Variants in GSG1L observed in about 807,000 individuals in gnomAD.
GSG1L encodes the protein GSG1 like, also known as germ cell-specific gene 1-like protein.
Under a neutral mutation model 42.1 loss-of-function variants are expected in GSG1L, and 24 were observed. That is an observed-to-expected ratio of 0.57 (90% confidence interval 0.41 to 0.80). GSG1L has a LOEUF of 0.80. Among genes scored for constraint, GSG1L ranks in the 30% least tolerant of loss-of-function variants. GSG1L has a pLI of 0.00. For missense variants in GSG1L, 445 were observed against 472.2 expected (o/e 0.94, Z 0.53); for synonymous variants, 215 against 203.5 (o/e 1.06, Z -0.48).
At chr16:28,058,620 C>CAAAAAAAAA (rs66952573) in intron 1 of GSG1L, among the ~76,000 whole-genome samples, 3 of 82,552 alleles carry the variant, frequency 3.6e-5, no homozygotes, top group Non-Finnish European at 5.3e-5. Flanking sequence ...AGAACAAGAC[C>CAAAAAAAAA]AAAAAAAAAA....
In GSG1L at chr16:27,823,093, A is replaced by T. The variant is rs186581337; in HGVS notation, c.830+5696T>A. ...ACCAGATCTGAGCATTAAGTATTCA[A>T]GAAAGCCCCAATCTGCAAATATTTA... is the stretch of plus-strand genomic sequence containing the variant. On this transcript the variant is annotated intron_variant, in intron 5 of 6. Coordinates refer to ENST00000447459, the MANE Select transcript of GSG1L (RefSeq NM_001109763.2). Among the ~76,000 whole-genome samples the T allele has an allele frequency of 6.6e-5, 10 of 152,350 alleles. No individual in the cohort carries two copies. In the East Asian group the frequency reaches 1.7e-3, roughly 26 times the overall value.
chr16:27,831,058 T>C (rs1388400885), intron 4 of GSG1L, among the ~76,000 whole-genome samples: 1 of 152,220 alleles, frequency 6.6e-6, no homozygotes, highest in East Asian at 1.9e-4. Flanking sequence ...GCAACAGTAA[T>C]TGGTTGGGGG....
intron 2 of GSG1L, among the ~76,000 whole-genome samples, chr16:27,885,801 AC>A (rs1248169214): frequency 2.0e-5 from 3 of 152,142 alleles, no homozygotes; most frequent in Non-Finnish European, 4.4e-5. Context: ...CCTGAAGACC[AC>A]CTGCACTCCT....
chr16:27,996,401 C>T (rs1400523347), intron 1 of GSG1L, among the ~76,000 whole-genome samples: 1 of 150,558 alleles, frequency 6.6e-6, no homozygotes, highest in East Asian at 1.9e-4. Context: ...TTCATTGCAA[C>T]CTTATTTTAA....
intron 2 of GSG1L, chr16:27,888,118 A>ACTGCCCCTCATCATGGCG (rs1445193398): frequency 1.0e-6 from 1 of 985,428 alleles, no homozygotes. Context: ...GCTGGCAGGG[A>ACTGCCCCTCATCATGGCG]CTGCCCCTCA....
intron 2 of GSG1L, among the ~76,000 whole-genome samples, chr16:27,934,936 G>A (rs921630250): frequency 1.3e-5 from 2 of 152,186 alleles, no homozygotes; most frequent in Non-Finnish European, 2.9e-5. Flanking sequence ...GTGGGGATTT[G>A]GCATTGAACA....
At chr16:27,878,122 T>C (rs951834) in intron 3 of GSG1L, among the ~76,000 whole-genome samples, 51,382 of 152,020 alleles carry the variant, frequency 0.34, 8,985 homozygotes, top group African/African-American at 0.43. Context: ...TGCAGTGGCA[T>C]GATCATAACT....
chr16:27,820,685 T>C (rs140503664), intron 5 of GSG1L, among the ~76,000 whole-genome samples: 8 of 152,182 alleles, frequency 5.3e-5, no homozygotes, highest in Non-Finnish European at 1.2e-4. Flanking sequence ...TGAGATCTGA[T>C]GGCTTTGTGT....
At chr16:27,941,772 C>T (rs1338532656) in intron 2 of GSG1L, among the ~76,000 whole-genome samples, 1 of 151,466 alleles carries the variant, frequency 6.6e-6, no homozygotes, top group Non-Finnish European at 1.5e-5. Context: ...GCATATTAGC[C>T]TTAGGAAGAA....
chr16:28,030,680 T>C (rs1270932268), intron 1 of GSG1L, among the ~76,000 whole-genome samples: 2 of 151,346 alleles, frequency 1.3e-5, no homozygotes, highest in African/African-American at 4.8e-5. Context: ...CCAATTCATT[T>C]TTGAATCCCA....
intron 1 of GSG1L, among the ~76,000 whole-genome samples, chr16:28,023,693 A>C (rs1011340392): frequency 6.6e-6 from 1 of 152,212 alleles, no homozygotes; most frequent in Non-Finnish European, 1.5e-5. Flanking sequence ...ACAGGTGAAG[A>C]AACTGAGGCT....
intron 1 of GSG1L, among the ~76,000 whole-genome samples, chr16:27,984,949 G>A (rs2085364212): frequency 6.6e-6 from 1 of 151,976 alleles, no homozygotes; most frequent in Admixed American, 6.6e-5. Context: ...GTAGAGATGG[G>A]GTTTTGCCAT....
chr16:27,985,961 C>G (rs1323773433), intron 1 of GSG1L, among the ~76,000 whole-genome samples: 1 of 152,130 alleles, frequency 6.6e-6, no homozygotes, highest in Non-Finnish European at 1.5e-5. Context: ...TGTGGGGTTC[C>G]AAGAGTCATG....
At chr16:27,880,587 G>A (rs377461975) in intron 3 of GSG1L, among the ~76,000 whole-genome samples, 6 of 152,082 alleles carry the variant, frequency 3.9e-5, no homozygotes, top group Non-Finnish European at 8.8e-5. Flanking sequence ...GGAGACAATC[G>A]TATTTGCTTT....
chr16:27,862,965 TTAA>T (rs2083671919), intron 3 of GSG1L, among the ~76,000 whole-genome samples: 1 of 152,154 alleles, frequency 6.6e-6, no homozygotes, highest in Non-Finnish European at 1.5e-5. Flanking sequence ...CTATATATAG[TTAA>T]TAATTCAAAT....
At chr16:27,953,987 C>CA (rs1331950717) in intron 2 of GSG1L, among the ~76,000 whole-genome samples, 6 of 152,174 alleles carry the variant, frequency 3.9e-5, no homozygotes, top group African/African-American at 1.4e-4. Context: ...GCTTTGGAAT[C>CA]AGAGCAGATA....
chr16:28,016,415 G>A (rs529224121), intron 1 of GSG1L, among the ~76,000 whole-genome samples: 11 of 152,156 alleles, frequency 7.2e-5, no homozygotes, highest in Non-Finnish European at 1.6e-4. Flanking sequence ...TTGTGTGGCT[G>A]GGTACAAATG....
At chr16:27,921,905 C>T (rs979811045) in intron 2 of GSG1L, among the ~76,000 whole-genome samples, 15 of 152,086 alleles carry the variant, frequency 9.9e-5, no homozygotes, top group African/African-American at 3.1e-4. Flanking sequence ...TTTCTAATAA[C>T]CTAAGCCAAC....
intron 2 of GSG1L, among the ~76,000 whole-genome samples, chr16:27,954,737 T>C (rs1314646286): frequency 6.6e-6 from 1 of 152,196 alleles, no homozygotes; most frequent in African/African-American, 2.4e-5. Context: ...CACTGCAGCC[T>C]TGAACTCCCC....
Sources: gnomAD v4.1 joint callset for allele counts (sites outside exome capture counted in the v4.1 genomes callset) on GRCh38, gnomAD v4.1.1 for gene constraint, MANE v1.5 for transcripts, NCBI Gene and HGNC (gene_info 2026-07-23, HGNC 2026-07-21) for gene names.